The following CNTN4 variants were observed in gnomAD, a reference collection of about 807,000 sequenced individuals.
The protein encoded by CNTN4 is contactin-4.
In CNTN4, 77 loss-of-function variants were observed where a neutral mutation model predicts 122.5. The ratio of observed to expected loss-of-function variants is 0.63; its 90% confidence interval spans 0.52 to 0.76. The LOEUF (loss-of-function observed/expected upper bound fraction) is 0.76, where lower values mean the gene tolerates loss of function less well. CNTN4 is among the 30% of genes least tolerant of loss of function. CNTN4 has a pLI of 0.00. For missense variants in CNTN4, 1,256 were observed against 1,259.1 expected, an observed-to-expected ratio of 1.00 and a Z score of 0.04; for synonymous variants, 512 against 447.0, an observed-to-expected ratio of 1.15 and a Z score of -1.83.
intron 3 of CNTN4, among the ~76,000 whole-genome samples, chr3:2,428,939 C>G (rs987005063): frequency 1.4e-4 from 21 of 152,266 alleles, no homozygotes; most frequent in Admixed American, 4.6e-4. Context: ...CATTTAAGGA[C>G]TTCTCTGCGC....
chr3:2,538,834 T>C (rs1379802116), intron 3 of CNTN4, among the ~76,000 whole-genome samples: 1 of 151,884 alleles, frequency 6.6e-6, no homozygotes, highest in Non-Finnish European at 1.5e-5. Context: ...ATTTCTAATA[T>C]ACATATATAT....
intron 13 of CNTN4, among the ~76,000 whole-genome samples, chr3:2,961,480 T>A (rs965787648): frequency 1.3e-5 from 2 of 152,098 alleles, no homozygotes; most frequent in African/African-American, 4.8e-5. Flanking sequence ...TTTCAGCAAC[T>A]GTTGAAAAAC....
At chr3:2,463,200 G>A (rs2049293727) in intron 3 of CNTN4, among the ~76,000 whole-genome samples, 1 of 151,350 alleles carries the variant, frequency 6.6e-6, no homozygotes, top group Non-Finnish European at 1.5e-5. Context: ...CTACTAAATG[G>A]GCTTTTTAAA....
chr3:2,685,711 T>C (rs1373131079), intron 4 of CNTN4, among the ~76,000 whole-genome samples: 1 of 152,202 alleles, frequency 6.6e-6, no homozygotes, highest in Non-Finnish European at 1.5e-5. Context: ...GTTGTTCTTG[T>C]TGAAGCATGA....
chr3:2,746,028 A>C (rs1326568870), intron 6 of CNTN4, among the ~76,000 whole-genome samples: 9 of 148,632 alleles, frequency 6.1e-5, no homozygotes, highest in East Asian at 2.0e-4. Flanking sequence ...ACACCCACAC[A>C]CACCCACACA....
intron 3 of CNTN4, among the ~76,000 whole-genome samples, chr3:2,404,295 C>T (rs1337560993): frequency 6.6e-6 from 1 of 152,112 alleles, no homozygotes. Flanking sequence ...CAGGCCTTTC[C>T]CCTTCCTGGA....
intron 3 of CNTN4, among the ~76,000 whole-genome samples, chr3:2,441,443 C>G (rs531956345): frequency 5.7e-4 from 87 of 152,190 alleles, no homozygotes; most frequent in Non-Finnish European, 1.1e-3. Flanking sequence ...ATTATCTGTC[C>G]CCGAAAGAGA....
At chr3:3,052,938 A>C (rs1406363475) in intron 23 of CNTN4, among the ~76,000 whole-genome samples, 1 of 152,182 alleles carries the variant, frequency 6.6e-6, no homozygotes, top group Admixed American at 6.5e-5. Context: ...AACCTTTGCC[A>C]TGTATGTTCT....
intron 7 of CNTN4, among the ~76,000 whole-genome samples, chr3:2,845,609 T>C (rs972019316): frequency 6.6e-6 from 1 of 152,222 alleles, no homozygotes; most frequent in Non-Finnish European, 1.5e-5. Context: ...GTTTTTCACA[T>C]GGTTTGAAAA....
intron 7 of CNTN4, 26 bp from the exon 8 acceptor site, chr3:2,866,726 T>G (rs781645462): frequency 6.3e-7 from 1 of 1,596,212 alleles, no homozygotes; most frequent in Non-Finnish European, 8.6e-7. Flanking sequence ...AAGACATATT[T>G]GTAATGAAGA....
At chr3:2,113,231 G>A (rs2033096967) in intron 2 of CNTN4, among the ~76,000 whole-genome samples, 1 of 152,118 alleles carries the variant, frequency 6.6e-6, no homozygotes, top group South Asian at 2.1e-4. Flanking sequence ...TCCATCAATA[G>A]GGACTATTTG....
intron 2 of CNTN4, among the ~76,000 whole-genome samples, chr3:2,338,906 A>G (rs1559466527): frequency 6.6e-6 from 1 of 152,168 alleles, no homozygotes; most frequent in Non-Finnish European, 1.5e-5. Context: ...TCCTAGAGCC[A>G]TCATACTAAC....
chr3:2,572,480 C>T (rs1257644027), intron 4 of CNTN4, among the ~76,000 whole-genome samples: 1 of 152,202 alleles, frequency 6.6e-6, no homozygotes, highest in Non-Finnish European at 1.5e-5. Flanking sequence ...AGTTGACATA[C>T]ATCATTCAAG....
intron 10 of CNTN4, among the ~76,000 whole-genome samples, chr3:2,899,444 A>C (rs2151118995): frequency 6.6e-6 from 1 of 152,280 alleles, no homozygotes; most frequent in African/African-American, 2.4e-5. Flanking sequence ...TGCCCTGTGA[A>C]CACATAAAGT....
chr3:2,672,605 C>T (rs371996926), intron 4 of CNTN4, among the ~76,000 whole-genome samples: 10 of 152,220 alleles, frequency 6.6e-5, no homozygotes, highest in African/African-American at 1.9e-4. Flanking sequence ...ACACTTGGTG[C>T]GCTGCACGTA....
chr3:2,712,138 G>A (rs996622142), intron 4 of CNTN4, among the ~76,000 whole-genome samples: 4 of 152,080 alleles, frequency 2.6e-5, no homozygotes, highest in Admixed American at 6.5e-5. Context: ...TGTTATCAGT[G>A]CAAAACTTGA....
intron 13 of CNTN4, among the ~76,000 whole-genome samples, chr3:2,983,033 T>G (rs1694179946): frequency 6.7e-6 from 1 of 150,058 alleles, no homozygotes; most frequent in East Asian, 2.0e-4. Context: ...GCGAACACGG[T>G]GAAAACCTGT....
rs146657680 is a variant in CNTN4 at position 2,575,370 on chromosome 3, G to A, written c.55+3812G>A. 4.3e-3 allele frequency among the ~76,000 whole-genome samples: 656 copies of A among 152,076 alleles called. 2 individuals carry two copies. Among genetic ancestry groups the A allele is most frequent in the Non-Finnish European group, 6.6e-3 (447 of 68,006 alleles). ...CTACTAAAATACAAAAAGTAGCTGG[G>A]CATGGTGGTGCACGTCTATAATGTC... On this transcript the variant is annotated intron_variant, in intron 4 of 24. Coordinates refer to ENST00000418658, the MANE Select transcript of CNTN4 (RefSeq NM_175607.3).
chr3:3,019,619 G>A (rs1379955928), intron 14 of CNTN4, among the ~76,000 whole-genome samples: 2 of 151,764 alleles, frequency 1.3e-5, no homozygotes, highest in Non-Finnish European at 1.5e-5. Flanking sequence ...TTACAAGGGT[G>A]TAAATGGTAA....
Sources: gnomAD v4.1 joint callset for allele counts (sites outside exome capture counted in the v4.1 genomes callset) on GRCh38, gnomAD v4.1.1 for gene constraint, MANE v1.5 for transcripts, NCBI Gene and HGNC (gene_info 2026-07-23, HGNC 2026-07-21) for gene names.